The following SASH1 variants were observed in gnomAD, a reference collection of about 807,000 sequenced individuals.
The protein encoded by SASH1 is SAM and SH3 domain containing 1.
In SASH1, 44 loss-of-function variants were observed where a neutral mutation model predicts 125.2. That is an observed-to-expected ratio of 0.35 (90% CI 0.28 to 0.45). The LOEUF (loss-of-function observed/expected upper bound fraction) is 0.45. Among genes scored for constraint, SASH1 ranks in the 20% least tolerant of loss-of-function variants. The pLI, the probability that SASH1 is intolerant of heterozygous loss-of-function variation, is 1.00. For missense variants in SASH1, 1,426 were observed against 1,614.5 expected (o/e 0.88, Z 2.00); for synonymous variants, 639 against 649.1 (o/e 0.98, Z 0.24).
At chr6:148,431,691 C>T (rs939621597) in intron 2 of SASH1, among the ~76,000 whole-genome samples, 5 of 151,424 alleles carry the variant, frequency 3.3e-5, no homozygotes, top group African/African-American at 7.3e-5. Context: ...TCTAGTGGGA[C>T]GGCTGGTTCG....
chr6:148,454,821 C>A (rs1031930054), intron 4 of SASH1, among the ~76,000 whole-genome samples: 1 of 152,184 alleles, frequency 6.6e-6, no homozygotes, highest in African/African-American at 2.4e-5. Flanking sequence ...TTTCTAAATT[C>A]TTTTATCCAC....
At chr6:148,422,191 G>C (rs1172793735) in intron 2 of SASH1, among the ~76,000 whole-genome samples, 1 of 152,160 alleles carries the variant, frequency 6.6e-6, no homozygotes, top group Non-Finnish European at 1.5e-5. Flanking sequence ...TTTGCAGACA[G>C]GGCTGCTTTT....
intron 1 of SASH1, among the ~76,000 whole-genome samples, chr6:148,348,497 A>G (rs1270735267): frequency 2.6e-5 from 4 of 152,000 alleles, no homozygotes; most frequent in East Asian, 1.9e-4. Flanking sequence ...ATGCAGCTCT[A>G]TGGGGACGGA....
At chr6:148,226,578 C>A in the SASH1 span, among the ~76,000 whole-genome samples, 1 of 152,182 alleles carries the variant, frequency 6.6e-6, no homozygotes, top group Non-Finnish European at 1.5e-5. Context: ...CGAAGTGGGG[C>A]ACCTCCGGGG....
Position 148,544,641 on chromosome 6 carries a change from G to GC in SASH1, c.3177dup (p.Trp1060LeufsTer39). The GC allele has an allele frequency of 6.2e-7, 1 of 1,613,258 alleles. No individual in the cohort carries two copies. The highest frequency in any genetic ancestry group is 2.2e-5 in the East Asian group (1 of 44,842). On this transcript the variant is annotated frameshift_variant, in exon 18 of 20. Coordinates refer to ENST00000367467, the MANE Select transcript of SASH1 (RefSeq NM_015278.5). LOFTEE classifies it high-confidence loss of function. This position sits in a 1 kb window ranked among gnomAD's most constrained non-coding sequence, Gnocchi z 6.4. ...CTGGCAGCCCACCAAGCACAAGGCC[G>GC]CCCCCCTGGCTCTCAGAGCTCCCCG...
At chr6:148,247,779 A>G in the SASH1 span, among the ~76,000 whole-genome samples, 1 of 152,204 alleles carries the variant, frequency 6.6e-6, no homozygotes, top group South Asian at 2.1e-4. Context: ...ATAGAAACTA[A>G]AACCGAATGT....
intron 1 of SASH1, among the ~76,000 whole-genome samples, chr6:148,300,904 G>A (rs1779923803): frequency 6.6e-6 from 1 of 152,112 alleles, no homozygotes; most frequent in South Asian, 2.1e-4. Context: ...AGAAGAAAAG[G>A]ACTAGTAAAA....
In SASH1 at chr6:148,533,764, G is replaced by A. The variant is rs1303091266; in HGVS notation, c.1735-7G>A. On this transcript the variant is annotated splice_region_variant and splice_polypyrimidine_tract_variant and intron_variant, in intron 14 of 19. Transcript: ENST00000367467. The surrounding 1 kb of genome is among the most constrained non-coding windows in gnomAD (Gnocchi z 6.2). ...TAATGGAAAGATCTTTGCTCCCTGG[G>A]CCACAGAAAGGAGATATCATCGATA... is the stretch of plus-strand genomic sequence containing the variant. 1 of 1,610,126 alleles carries A rather than the reference G, an allele frequency of 6.2e-7. No individual in the cohort carries two copies.
chr6:148,524,846 C>G (rs1228985930), intron 10 of SASH1: 1 of 154,080 alleles, frequency 6.5e-6, no homozygotes, highest in Non-Finnish European at 1.4e-5. Context: ...GGTGTCAGAG[C>G]CGTGGGATTT....
At chr6:148,224,159 G>A in the SASH1 span, among the ~76,000 whole-genome samples, 15 of 152,010 alleles carry the variant, frequency 9.9e-5, no homozygotes, top group South Asian at 2.1e-4. Flanking sequence ...AGCCAGGTTC[G>A]GTGTCTCACA....
chr6:148,527,694 C>T (rs1466212723), intron 12 of SASH1, 98 bp downstream of exon 12: 2 of 1,192,416 alleles, frequency 1.7e-6, no homozygotes, highest in Non-Finnish European at 2.4e-6. Context: ...AATACACATA[C>T]TCCTTGGCAT....
chr6:148,348,003 A>G (rs1310233899), intron 1 of SASH1, among the ~76,000 whole-genome samples: 1 of 151,970 alleles, frequency 6.6e-6, no homozygotes. Context: ...TTATTTATTT[A>G]TTTGTTTATT....
the SASH1 span, among the ~76,000 whole-genome samples, chr6:148,264,177 GAA>G: frequency 2.2e-5 from 3 of 137,650 alleles, no homozygotes; most frequent in African/African-American, 5.4e-5. Context: ...TATTTTGACC[GAA>G]AAAAAAAAAA....
At chr6:148,476,119 G>A (rs1778330438) in intron 7 of SASH1, among the ~76,000 whole-genome samples, 1 of 151,928 alleles carries the variant, frequency 6.6e-6, no homozygotes, top group Non-Finnish European at 1.5e-5. Context: ...ATACATTTCT[G>A]TGTATGTGTT....
At position 148,548,642 on chromosome 6, in the gene SASH1, G is replaced by C; in HGVS notation, c.*84G>C. Reference sequence around the variant, plus strand: ...TGATGCAATTCCTCCATCATCTCTGGACGTGCAGACCAGATCCAGAAGAAA... The same window carrying C: ...TGATGCAATTCCTCCATCATCTCTGCACGTGCAGACCAGATCCAGAAGAAA... On this transcript the variant is annotated 3_prime_UTR_variant, in exon 20 of 20. Coordinates refer to ENST00000367467, the MANE Select transcript of SASH1 (RefSeq NM_015278.5). 2.1e-6 allele frequency: 3 copies of C among 1,454,880 alleles called. No individual in the cohort carries two copies. Among genetic ancestry groups the C allele is most frequent in the South Asian group, 2.7e-5 (2 of 73,354 alleles). The allele number at this position is 1,454,880 out of a possible 1,614,324, so 90.1% of individuals were successfully genotyped here. A position where few individuals can be genotyped will look rare whatever the true frequency, so the allele number is the denominator to read the frequency against.
At chr6:148,298,806 AG>A (rs1779850187) in intron 1 of SASH1, among the ~76,000 whole-genome samples, 1 of 104,068 alleles carries the variant, frequency 9.6e-6, no homozygotes, top group Non-Finnish European at 1.9e-5. Context: ...AAAAAGAGAA[AG>A]AAAAAAGAGA....
At chr6:148,393,683 G>A in intron 2 of SASH1, 3 of 984,840 alleles carry the variant, frequency 3.0e-6, no homozygotes, top group Non-Finnish European at 1.2e-6. Flanking sequence ...AATTTGGCGT[G>A]CTCTGTTCCA....
intron 1 of SASH1, among the ~76,000 whole-genome samples, chr6:148,286,349 C>G (rs1562306556): frequency 6.6e-6 from 1 of 151,044 alleles, no homozygotes; most frequent in Non-Finnish European, 1.5e-5. Flanking sequence ...TGCTGTGAGC[C>G]GAGATGGTGC....
chr6:148,428,260 AGTTACTT>A (rs1775909397), intron 2 of SASH1, among the ~76,000 whole-genome samples: 4 of 152,244 alleles, frequency 2.6e-5, no homozygotes, highest in African/African-American at 9.6e-5. Context: ...CACTGAACTA[AGTTACTT>A]AGCCATCTTA....
Sources: gnomAD v4.1 joint callset for allele counts (sites outside exome capture counted in the v4.1 genomes callset) on GRCh38, gnomAD v4.1.1 for gene constraint, Gnocchi (gnomAD v3.1) non-coding constraint, MANE v1.5 for transcripts, NCBI Gene and HGNC (gene_info 2026-07-23, HGNC 2026-07-21) for gene names.